PCSK5: variants seen among roughly 807,000 people sequenced by gnomAD.
The protein encoded by PCSK5 is prohormone convertase 5.
A neutral mutation model predicts 233.2 loss-of-function variants in PCSK5; 129 were observed. The ratio of observed to expected loss-of-function variants is 0.55; its 90% confidence interval spans 0.48 to 0.64. The LOEUF is 0.64. Among genes scored for constraint, PCSK5 ranks in the 30% least tolerant of loss-of-function variants. PCSK5 has a pLI of 0.00. For missense variants in PCSK5, 2,076 were observed against 2,430.1 expected, an observed-to-expected ratio of 0.85 and a Z score of 3.06; for synonymous variants, 825 against 879.2, an observed-to-expected ratio of 0.94 and a Z score of 1.09.
At chr9:76,354,368 C>T (rs1587372156) in intron 37 of PCSK5, 149 bp downstream of exon 37, 13 of 619,858 alleles carry the variant, frequency 2.1e-5, no homozygotes, top group Non-Finnish European at 3.7e-5. Context: ...GTACTTGAAA[C>T]TTCATGACCA....
intron 35 of PCSK5, among the ~76,000 whole-genome samples, chr9:76,347,565 T>C (rs1335360947): frequency 6.6e-6 from 1 of 152,096 alleles, no homozygotes; most frequent in East Asian, 1.9e-4. Context: ...GATCTGGGCC[T>C]CAGACAATTT....
rs1169503867 is a variant in PCSK5, at chr9:76,290,247, C to T, written c.3143-1986C>T. Among the ~76,000 whole-genome samples, 3 of 152,144 alleles carry T rather than the reference C, an allele frequency of 2.0e-5. No homozygotes were observed. In the East Asian group the frequency reaches 5.8e-4, roughly 29 times the overall value. On this transcript the variant is annotated intron_variant, in intron 24 of 37. Transcript: ENST00000674117. ...GGGGAACCACTGGTGTTCACTGGGG[C>T]CTCTGCTGGCCCTTACAATGGGTTC...
chr9:76,296,142 G>A (rs1042400329), intron 26 of PCSK5, among the ~76,000 whole-genome samples: 2 of 152,112 alleles, frequency 1.3e-5, no homozygotes, highest in African/African-American at 2.4e-5. Flanking sequence ...GTGCAGTGGC[G>A]CAATCTCAGC....
At chr9:76,212,704 T>C (rs1325479788) in intron 20 of PCSK5, among the ~76,000 whole-genome samples, 1 of 152,246 alleles carries the variant, frequency 6.6e-6, no homozygotes, top group Non-Finnish European at 1.5e-5. Context: ...TTATCAGTCA[T>C]AATGACATTT....
At chr9:76,207,585 A>AAGGATATAAAGGAATAG (rs1396016858) in intron 20 of PCSK5, among the ~76,000 whole-genome samples, 3 of 152,242 alleles carry the variant, frequency 2.0e-5, no homozygotes, top group Non-Finnish European at 4.4e-5. Flanking sequence ...ATAATAGAAT[A>AAGGATATAAAGGAATAG]CATTTCCTCC....
chr9:76,361,162 T>C lies in PCSK5; in HGVS notation c.*2240T>C, dbSNP rs117154811. ...GAGTTTGATACCAGCTTAGCCAACA[T>C]GGTGAAACCCCATTTCTACTAAAAA... On this transcript the variant is annotated 3_prime_UTR_variant, in exon 38 of 38. Coordinates refer to ENST00000674117, the MANE Select transcript of PCSK5 (RefSeq NM_001372043.1). 4,551 of 152,136 alleles carry C rather than the reference T, an allele frequency of 0.03. 87 individuals are homozygous for C. Among genetic ancestry groups the C allele is most frequent in the Non-Finnish European group, 0.046 (3,128 of 67,998 alleles). 9.4% of individuals were successfully genotyped at this position (152,136 alleles called of 1,614,324 possible). A position where few individuals can be genotyped will look rare whatever the true frequency, so the allele number is the denominator to read the frequency against.
chr9:76,107,997 C>T (rs1832047033), intron 9 of PCSK5, among the ~76,000 whole-genome samples: 1 of 152,106 alleles, frequency 6.6e-6, no homozygotes, highest in Non-Finnish European at 1.5e-5. Context: ...ATTTTAAAAT[C>T]CTAAATGCCA....
intron 12 of PCSK5, 34 bp from the exon 13 acceptor site, chr9:76,169,670 A>C: frequency 6.2e-7 from 1 of 1,608,058 alleles, no homozygotes; most frequent in South Asian, 1.1e-5. Context: ...TGGATTTGAA[A>C]TATCGCACAT....
At chr9:76,165,444 A>T (rs1274225426) in intron 12 of PCSK5, among the ~76,000 whole-genome samples, 2 of 152,226 alleles carry the variant, frequency 1.3e-5, no homozygotes, top group Non-Finnish European at 1.5e-5. Context: ...TAGACTCTTT[A>T]AGAGGAAGGG....
chr9:76,004,102 C>T (rs771248468), intron 3 of PCSK5, among the ~76,000 whole-genome samples: 30 of 152,032 alleles, frequency 2.0e-4, no homozygotes, highest in Non-Finnish European at 2.9e-5. Flanking sequence ...CCAGCTTGTG[C>T]CATCTCTTTT....
At chr9:76,329,316 A>G (rs1829461239) in intron 33 of PCSK5, among the ~76,000 whole-genome samples, 1 of 149,218 alleles carries the variant, frequency 6.7e-6, no homozygotes, top group South Asian at 2.1e-4. Flanking sequence ...CTTCCATGTC[A>G]TGTCCAGCCA....
chr9:76,217,862 C>T (rs1825592750), intron 20 of PCSK5, among the ~76,000 whole-genome samples: 1 of 152,154 alleles, frequency 6.6e-6, no homozygotes, highest in Non-Finnish European at 1.5e-5. Flanking sequence ...TCTCTGACAC[C>T]TGGATTTGGA....
intron 20 of PCSK5, among the ~76,000 whole-genome samples, chr9:76,222,683 T>C (rs2131303003): frequency 6.6e-6 from 1 of 152,358 alleles, no homozygotes; most frequent in Admixed American, 6.5e-5. Flanking sequence ...ATTTCCTTTC[T>C]TTTTAAGGCT....
intron 9 of PCSK5, among the ~76,000 whole-genome samples, chr9:76,120,820 G>C (rs1160014068): frequency 6.6e-6 from 1 of 151,932 alleles, no homozygotes; most frequent in Non-Finnish European, 1.5e-5. Flanking sequence ...GCTAACTTCT[G>C]TTCCAATCCT....
At chr9:76,115,564 C>A (rs1218414047) in intron 9 of PCSK5, among the ~76,000 whole-genome samples, 1 of 152,036 alleles carries the variant, frequency 6.6e-6, no homozygotes, top group African/African-American at 2.4e-5. Context: ...GTGGATTTTA[C>A]TCAATGCCAG....
chr9:76,255,962 C>G (rs1480897063), intron 24 of PCSK5, among the ~76,000 whole-genome samples: 1 of 152,234 alleles, frequency 6.6e-6, no homozygotes, highest in Admixed American at 6.5e-5. Flanking sequence ...TTAGGACTGT[C>G]TGGCTCCAAA....
At chr9:76,134,729 A>C (rs563622845) in intron 10 of PCSK5, among the ~76,000 whole-genome samples, 1 of 152,186 alleles carries the variant, frequency 6.6e-6, no homozygotes, top group African/African-American at 2.4e-5. Flanking sequence ...TAAACTAAAA[A>C]TTTTAATGAA....
At chr9:75,940,486 G>A (rs1378571913) in intron 2 of PCSK5, among the ~76,000 whole-genome samples, 2 of 152,206 alleles carry the variant, frequency 1.3e-5, no homozygotes, top group African/African-American at 4.8e-5. Context: ...GGACAGGAAG[G>A]GAGAAATGAA....
At chr9:76,220,355 T>TC (rs1564116779) in intron 20 of PCSK5, among the ~76,000 whole-genome samples, 2 of 151,764 alleles carry the variant, frequency 1.3e-5, no homozygotes, top group East Asian at 3.9e-4. Context: ...GGTGAAACCC[T>TC]GTCTCTACTA....
Sources: allele counts gnomAD v4.1 joint callset (sites outside exome capture counted in the v4.1 genomes callset), GRCh38; gene constraint gnomAD v4.1.1; transcripts MANE v1.5; gene names NCBI Gene and HGNC (gene_info 2026-07-23, HGNC 2026-07-21).